GAB1: variants seen among roughly 807,000 people sequenced by gnomAD.
The protein encoded by GAB1 is GRB2-associated-binding protein 1.
GAB1 carries 19 observed loss-of-function variants against 66.5 expected under a neutral mutation model. The observed-to-expected ratio is 0.29, with a 90% CI of 0.20 to 0.42. GAB1 has a LOEUF of 0.42. Ranked by LOEUF, GAB1 falls within the 10% of genes least tolerant of loss-of-function variation. The pLI, the probability that GAB1 is intolerant of heterozygous loss-of-function variation, is 1.00. For missense variants in GAB1, 732 were observed against 858.5 expected (o/e 0.85, Z 1.84); for synonymous variants, 294 against 301.4 (o/e 0.98, Z 0.25).
intron 2 of GAB1, among the ~76,000 whole-genome samples, chr4:143,429,984 T>G (rs759785057): frequency 1.3e-5 from 2 of 152,234 alleles, no homozygotes; most frequent in Non-Finnish European, 2.9e-5. Context: ...AGATCAGCAG[T>G]GTTCCAAGCA....
chr4:143,347,686 CT>C (rs1252380996), intron 1 of GAB1, among the ~76,000 whole-genome samples: 1 of 152,278 alleles, frequency 6.6e-6, no homozygotes, highest in Non-Finnish European at 1.5e-5. Flanking sequence ...GCACTTAGTT[CT>C]ACAAATTACA....
intron 1 of GAB1, among the ~76,000 whole-genome samples, chr4:143,339,319 T>A (rs145951684): frequency 1.3e-5 from 2 of 152,358 alleles, no homozygotes; most frequent in Admixed American, 1.3e-4. Context: ...GAGACCAGCC[T>A]GGCCAACATG....
Position 143,347,275 on chromosome 4 carries a change from A to G in GAB1, c.72+10015A>G, listed in dbSNP as rs1329189665. Among the ~76,000 whole-genome samples the G allele has an allele frequency of 3.3e-5, 5 of 152,236 alleles. No homozygotes were observed. In the East Asian group the frequency reaches 5.8e-4, roughly 18 times the overall value. ...CTAAAATTGTAAATTCTCTTGTCCAATGTTTCTTAACCTTTTCTAACCCAC... is the reference window on the plus strand; with the variant it reads ...CTAAAATTGTAAATTCTCTTGTCCAGTGTTTCTTAACCTTTTCTAACCCAC... On this transcript the variant is annotated intron_variant, in intron 1 of 9. Coordinates refer to ENST00000262994, the MANE Select transcript of GAB1 (RefSeq NM_002039.4).
intron 6 of GAB1, among the ~76,000 whole-genome samples, chr4:143,451,137 G>A (rs1294335585): frequency 1.3e-5 from 2 of 152,166 alleles, no homozygotes; most frequent in East Asian, 3.9e-4. Flanking sequence ...CGTGGAAGGG[G>A]CTGTGGTTGA....
At position 143,470,087 on chromosome 4, in the gene GAB1, T is replaced by C. The variant is rs1345744256; in HGVS notation, c.*898T>C. ...GGTTGTGTTCTTGTTAGTCCTAATATTGGTTTTCAGTTTGGAATTAATAAA... is the reference window on the plus strand; with the variant it reads ...GGTTGTGTTCTTGTTAGTCCTAATACTGGTTTTCAGTTTGGAATTAATAAA... On this transcript the variant is annotated 3_prime_UTR_variant, in exon 10 of 10. Coordinates refer to ENST00000262994, the MANE Select transcript of GAB1 (RefSeq NM_002039.4). 2 of 152,266 alleles carry C rather than the reference T, an allele frequency of 1.3e-5. No individual in the cohort carries two copies. Among genetic ancestry groups the C allele is most frequent in the Non-Finnish European group, 2.9e-5 (2 of 68,040 alleles). 9.4% of individuals were successfully genotyped at this position (152,266 alleles called of 1,614,324 possible).
intron 3 of GAB1, among the ~76,000 whole-genome samples, 175 bp downstream of exon 3, chr4:143,433,891 G>A (rs796885919): frequency 3.3e-5 from 5 of 152,240 alleles, no homozygotes; most frequent in African/African-American, 1.2e-4. Context: ...ATTGATTTCC[G>A]ATATTCAGGA....
At chr4:143,356,405 A>G (rs1269833111) in intron 1 of GAB1, among the ~76,000 whole-genome samples, 1 of 152,244 alleles carries the variant, frequency 6.6e-6, no homozygotes, top group Non-Finnish European at 1.5e-5. Context: ...CTTGTAAAGT[A>G]CATTGGAATC....
intron 8 of GAB1, among the ~76,000 whole-genome samples, chr4:143,465,803 T>C (rs190481548): frequency 1.4e-4 from 22 of 152,322 alleles, no homozygotes; most frequent in Admixed American, 2.0e-4. Context: ...TAAAGCATAA[T>C]TGAGTACAGA....
At chr4:143,376,922 A>G (rs1298965537) in intron 1 of GAB1, 2 of 152,284 alleles carry the variant, frequency 1.3e-5, no homozygotes, top group Admixed American at 6.5e-5. Flanking sequence ...TTTGATCCCT[A>G]TCATTCTTAG....
intron 1 of GAB1, among the ~76,000 whole-genome samples, chr4:143,377,902 G>A (rs1730483008): frequency 6.6e-6 from 1 of 152,158 alleles, no homozygotes; most frequent in Non-Finnish European, 1.5e-5. Flanking sequence ...TTTTAGCCAC[G>A]TTCATGTGTT....
At chr4:143,375,008 T>C (rs980489596) in intron 1 of GAB1, among the ~76,000 whole-genome samples, 3 of 152,202 alleles carry the variant, frequency 2.0e-5, no homozygotes, top group Non-Finnish European at 2.9e-5. Context: ...AGTGCAGTCG[T>C]GTGATCCTGG....
At chr4:143,346,407 G>A (rs1157749586) in intron 1 of GAB1, among the ~76,000 whole-genome samples, 1 of 152,220 alleles carries the variant, frequency 6.6e-6, no homozygotes, top group Non-Finnish European at 1.5e-5. Context: ...TTACCTGCCT[G>A]TGTGCCTTCC....
chr4:143,415,383 C>G, intron 1 of GAB1, 94 bp from the exon 2 acceptor site: 1 of 971,434 alleles, frequency 1.0e-6, no homozygotes, highest in Non-Finnish European at 1.5e-6. Flanking sequence ...TTTCTCTAAA[C>G]AATGCATTTG....
intron 1 of GAB1, among the ~76,000 whole-genome samples, chr4:143,347,806 C>G (rs1729038358): frequency 6.6e-6 from 1 of 152,200 alleles, no homozygotes; most frequent in Admixed American, 6.5e-5. Flanking sequence ...TTCACCAGCA[C>G]CTTAAAAGAT....
Position 143,369,010 on chromosome 4 carries a change from G to T in GAB1, c.72+31750G>T, listed in dbSNP as rs565257773. On this transcript the variant is annotated intron_variant, in intron 1 of 9. Transcript: ENST00000262994. Reference sequence around the variant, plus strand: ...GCTGGAGTGCAGTGGCATGATCTCAGCTCATTGCAACCTCTACCTTCTGGG... The same window carrying T: ...GCTGGAGTGCAGTGGCATGATCTCATCTCATTGCAACCTCTACCTTCTGGG... Among the ~76,000 whole-genome samples the T allele has an allele frequency of 1.5e-3, 228 of 151,962 alleles. 1 individual carries two copies. Among genetic ancestry groups the T allele is most frequent in the African/African-American group, 5.2e-3 (216 of 41,434 alleles).
At chr4:143,364,736 C>G (rs1361624619) in intron 1 of GAB1, among the ~76,000 whole-genome samples, 5 of 151,946 alleles carry the variant, frequency 3.3e-5, no homozygotes, top group Non-Finnish European at 7.4e-5. Flanking sequence ...TCCTACAGCC[C>G]CAGTGTTTGC....
chr4:143,464,368 A>T (rs1229160702), intron 8 of GAB1, among the ~76,000 whole-genome samples: 1 of 151,962 alleles, frequency 6.6e-6, no homozygotes, highest in Non-Finnish European at 1.5e-5. Context: ...AGCTGGGATT[A>T]CAGGTGCCCA....
chr4:143,462,899 T>C (rs1242449563), intron 8 of GAB1, among the ~76,000 whole-genome samples: 1 of 152,188 alleles, frequency 6.6e-6, no homozygotes, highest in Non-Finnish European at 1.5e-5. Flanking sequence ...CGACCTCAAA[T>C]GATCTGCCTG....
chr4:143,345,336 G>A (rs1235859394), intron 1 of GAB1, among the ~76,000 whole-genome samples: 1 of 152,100 alleles, frequency 6.6e-6, no homozygotes, highest in African/African-American at 2.4e-5. Flanking sequence ...GGCCTAGGTA[G>A]TTCTCTTAAG....
Sources: gnomAD v4.1 joint callset for allele counts (sites outside exome capture counted in the v4.1 genomes callset) on GRCh38, gnomAD v4.1.1 for gene constraint, MANE v1.5 for transcripts, NCBI Gene and HGNC (gene_info 2026-07-23, HGNC 2026-07-21) for gene names.